Variants in RNF213 observed in about 807,000 individuals in gnomAD.
RNF213 encodes the protein ring finger protein 213.
In RNF213, 341 loss-of-function variants were observed where a neutral mutation model predicts 514.4. The observed-to-expected ratio is 0.66, with a 90% CI of 0.61 to 0.73. The LOEUF (loss-of-function observed/expected upper bound fraction) is 0.73. Among genes scored for constraint, RNF213 ranks in the 30% least tolerant of loss-of-function variants. The pLI, the probability that RNF213 is intolerant of heterozygous loss-of-function variation, is 0.00. For synonymous variants in RNF213, 2,655 were observed against 2,658.2 expected (o/e 1.00, Z 0.04); for missense variants, 5,767 against 6,615.6 (o/e 0.87, Z 4.45).
chr17:80,336,601 C>G, intron 23 of RNF213: 2 of 599,406 alleles, frequency 3.3e-6, no homozygotes, highest in Admixed American at 4.7e-5. Flanking sequence ...CTCTAAGGTG[C>G]AAAACACACG....
chr17:80,386,924 G>T (rs1282079301), intron 63 of RNF213, 33 bp downstream of exon 63: 2 of 1,582,734 alleles, frequency 1.3e-6, no homozygotes, highest in East Asian at 2.3e-5. Flanking sequence ...CTGCTCATTT[G>T]GTGTGTCTGT....
intron 17 of RNF213, 27 bp from the exon 18 acceptor site, chr17:80,325,003 G>A: frequency 6.5e-7 from 1 of 1,532,502 alleles, no homozygotes. Context: ...ACTTCTAAAT[G>A]TCCCTCTTTT....
At chr17:80,349,224 G>A (rs1017884776) in intron 29 of RNF213, among the ~76,000 whole-genome samples, 1 of 152,152 alleles carries the variant, frequency 6.6e-6, no homozygotes, top group East Asian at 1.9e-4. Flanking sequence ...GATGATGTCC[G>A]CCGGGGACAG....
chr17:80,379,232 G>A (rs150183747), intron 54 of RNF213, among the ~76,000 whole-genome samples: 14 of 152,316 alleles, frequency 9.2e-5, no homozygotes, highest in African/African-American at 3.1e-4. Context: ...TGAATATAAG[G>A]AAGTCAGTTT....
chr17:80,307,362 G>GCTTTTT (rs550244427), intron 13 of RNF213, among the ~76,000 whole-genome samples, 161 bp downstream of exon 13: 2 of 113,718 alleles, frequency 1.8e-5, no homozygotes, highest in Non-Finnish European at 1.7e-5. Flanking sequence ...ATTGTCGTCT[G>GCTTTTT]TTTTTTTTTT....
At position 80,389,229 on chromosome 17, in the gene RNF213, C is replaced by T. The variant is rs767371073; in HGVS notation, c.15057C>T (p.Ser5019=). Reference sequence around the variant, plus strand: ...TCAGTGGACAGCTGCAGTCCTACAGCGATGCCTGTGAAGTGCTGTCTGTCG... The same window carrying T: ...TCAGTGGACAGCTGCAGTCCTACAGTGATGCCTGTGAAGTGCTGTCTGTCG... ...SAISGQLQSY[S]DACEVLSVVE... The change falls in exon 65 of 68, where the codon AGC becomes AGT. Residue 5019 remains serine (S), a synonymous_variant. Coordinates refer to ENST00000582970, the MANE Select transcript of RNF213 (RefSeq NM_001256071.3). 9.9e-6 allele frequency: 16 copies of T among 1,614,210 alleles called. No homozygotes were observed. The highest frequency in any genetic ancestry group is 2.2e-5 in the East Asian group (1 of 44,880).
chr17:80,392,931 A>G lies in RNF213; in HGVS notation c.15471-414A>G, dbSNP rs560072411. 8.6e-5 allele frequency among the ~76,000 whole-genome samples: 13 copies of G among 152,006 alleles called. 1 individual carries two copies. The South Asian group carries it at 2.7e-3, about 32-fold the overall frequency. ...AACGAGCATTTTGGTTCTGCTGATG[A>G]CAACGGGAAAAAGTAACATGAGGGG... On this transcript the variant is annotated intron_variant, in intron 67 of 67. Coordinates refer to ENST00000582970, the MANE Select transcript of RNF213 (RefSeq NM_001256071.3).
chr17:80,336,637 G>C, intron 23 of RNF213: 1 of 491,518 alleles, frequency 2.0e-6, no homozygotes, highest in Non-Finnish European at 3.8e-6. Context: ...AGGGAAATAT[G>C]CTGAAACGTT....
chr17:80,303,984 C>T (rs1219994883), intron 11 of RNF213, among the ~76,000 whole-genome samples: 1 of 149,964 alleles, frequency 6.7e-6, no homozygotes, highest in Non-Finnish European at 1.5e-5. Flanking sequence ...AGAGAGAAAA[C>T]AGTCAATATA....
Position 80,355,670 on chromosome 17 carries a change from AC to A in RNF213, c.10862+1095del, listed in dbSNP as rs112002823. Among the ~76,000 whole-genome samples the A allele has an allele frequency of 1.5e-3, 33 of 21,802 alleles. 4 individuals carry two copies. The highest frequency in any genetic ancestry group is 2.7e-3 in the African/African-American group (14 of 5,160). The allele number at this position is 21,802 out of a possible 152,430, so 14.3% of individuals were successfully genotyped here. Reference sequence around the variant, plus strand: ...GCGGGGTGGACGGGAATGGGGGCTTACAGGGGGAAGAAGCGGGGTGACCGGG... The same window carrying A: ...GCGGGGTGGACGGGAATGGGGGCTTAAGGGGGAAGAAGCGGGGTGACCGGG... On this transcript the variant is annotated intron_variant, in intron 36 of 67. Transcript: ENST00000582970.
At chr17:80,348,948 C>T (rs1256047673) in intron 29 of RNF213, among the ~76,000 whole-genome samples, 1 of 152,170 alleles carries the variant, frequency 6.6e-6, no homozygotes, top group African/African-American at 2.4e-5. Context: ...CGCTTGTCTC[C>T]CTGGCTGGGT....
At position 80,317,368 on chromosome 17, in the gene RNF213, G is replaced by T. The variant is rs2045982141; in HGVS notation, c.2901+91G>T. ...GCGACAGCCAAGAGATCTCAGCAGT[G>T]CCTCTCTGTGGGCAGGGATGGGGTG... On this transcript the variant is annotated intron_variant, in intron 16 of 67. Transcript: ENST00000582970. The surrounding 1 kb of genome is among the most constrained non-coding windows in gnomAD (Gnocchi z 4.1). 1 of 1,129,460 alleles carries T rather than the reference G, an allele frequency of 8.9e-7. No individual in the cohort carries two copies. Among genetic ancestry groups the T allele is most frequent in the African/African-American group, 1.5e-5 (1 of 66,128 alleles). The allele number at this position is 1,129,460 out of a possible 1,614,324, so 70.0% of individuals were successfully genotyped here. A position where few individuals can be genotyped will look rare whatever the true frequency, so the allele number is the denominator to read the frequency against.
chr17:80,352,504 TC>T, intron 32 of RNF213: 1 of 518,640 alleles, frequency 1.9e-6, no homozygotes, highest in Non-Finnish European at 3.4e-6. Flanking sequence ...CAAGGAATGG[TC>T]ACCAGCTATT....
chr17:80,363,998 AT>A (rs2079155750), intron 41 of RNF213, among the ~76,000 whole-genome samples: 1 of 152,208 alleles, frequency 6.6e-6, no homozygotes, highest in Non-Finnish European at 1.5e-5. Flanking sequence ...GCGGCTGTGC[AT>A]TCAGGGAGCG....
chr17:80,280,243 G>C (rs1357293104), intron 3 of RNF213, among the ~76,000 whole-genome samples: 2 of 152,204 alleles, frequency 1.3e-5, no homozygotes, highest in Admixed American at 1.3e-4. Context: ...GAAGGAACTT[G>C]TAAAATAAAG....
At chr17:80,386,545 C>G in intron 62 of RNF213, 115 bp downstream of exon 62, 1 of 1,403,938 alleles carries the variant, frequency 7.1e-7, no homozygotes, top group Non-Finnish European at 1.0e-6. Context: ...ACTCCTTCAG[C>G]CGCCCCCACC....
At chr17:80,274,233 G>A (rs2043934840) in intron 3 of RNF213, among the ~76,000 whole-genome samples, 1 of 152,044 alleles carries the variant, frequency 6.6e-6, no homozygotes, top group African/African-American at 2.4e-5. Context: ...GGAAGGGTAT[G>A]GCTGAGCCAC....
At position 80,289,736 on chromosome 17, in the gene RNF213, A is replaced by AGTT; in HGVS notation, c.1012_1013insTTG (p.Glu337_Asp338insVal). 1 of 1,614,132 alleles carries AGTT rather than the reference A, an allele frequency of 6.2e-7. No individual in the cohort carries two copies. The highest frequency in any genetic ancestry group is 8.5e-7 in the Non-Finnish European group (1 of 1,180,014). On this transcript the variant is annotated inframe_insertion, in exon 6 of 68. Coordinates refer to ENST00000582970, the MANE Select transcript of RNF213 (RefSeq NM_001256071.3). The stretch of plus-strand genomic sequence containing the variant: ...GTAAGAATGAACAAGGGGAGCCTGA[A>AGTT]GACCTCAAGAAGCCAGAGGGGAAGA...
rs1555677338 is a variant in RNF213 at position 80,374,024 on chromosome 17, A to AG, written c.12943-433dup. ...CGTCTCAAAAAAAAAAAAAAAAAAAAGAGGCTTCAAGGCCTCTCAGTGGTC... is the reference window on the plus strand; with the variant it reads ...CGTCTCAAAAAAAAAAAAAAAAAAAAGGAGGCTTCAAGGCCTCTCAGTGGTC... On this transcript the variant is annotated intron_variant, in intron 49 of 67. Coordinates refer to ENST00000582970, the MANE Select transcript of RNF213 (RefSeq NM_001256071.3). 9.3e-3 allele frequency among the ~76,000 whole-genome samples: 1,407 copies of AG among 151,232 alleles called. 15 individuals are homozygous for AG. The highest frequency in any genetic ancestry group is 0.015 in the Non-Finnish European group (1,001 of 67,708).
Sources: allele counts gnomAD v4.1 joint callset (sites outside exome capture counted in the v4.1 genomes callset), GRCh38; gene constraint gnomAD v4.1.1; non-coding constraint Gnocchi (gnomAD v3.1); transcripts MANE v1.5; gene names NCBI Gene and HGNC (gene_info 2026-07-23, HGNC 2026-07-21).